CLCN3: variants seen among roughly 807,000 people sequenced by gnomAD.
The protein encoded by CLCN3 is H(+)/Cl(-) exchange transporter 3.
A neutral mutation model predicts 83.4 loss-of-function variants in CLCN3; 16 were observed. That is an observed-to-expected ratio of 0.19 (90% CI 0.13 to 0.29). CLCN3 has a LOEUF of 0.29. CLCN3 is among the 10% of genes least tolerant of loss of function. The pLI, the probability that CLCN3 is intolerant of heterozygous loss-of-function variation, is 1.00. For synonymous variants in CLCN3, 322 were observed against 346.2 expected, an observed-to-expected ratio of 0.93 and a Z score of 0.78; for missense variants, 544 against 1,006.0, an observed-to-expected ratio of 0.54 and a Z score of 6.21.
intron 1 of CLCN3, among the ~76,000 whole-genome samples, chr4:169,630,539 AT>A (rs546416923): frequency 6.7e-6 from 1 of 148,698 alleles, no homozygotes; most frequent in Non-Finnish European, 1.5e-5. Flanking sequence ...TTTTATTTTT[AT>A]TTTTTTTTGA....
intron 2 of CLCN3, among the ~76,000 whole-genome samples, chr4:169,662,414 G>A (rs532802954): frequency 3.9e-5 from 6 of 152,202 alleles, no homozygotes; most frequent in Non-Finnish European, 8.8e-5. Context: ...GTGTCTATGC[G>A]TAAGATGTTA....
intron 3 of CLCN3, among the ~76,000 whole-genome samples, chr4:169,684,530 G>C (rs1732078756): frequency 6.6e-6 from 1 of 152,124 alleles, no homozygotes; most frequent in Admixed American, 6.5e-5. Context: ...CCTTCGTCAT[G>C]TCCTTAGATA....
intron 1 of CLCN3, among the ~76,000 whole-genome samples, chr4:169,622,831 C>T (rs540626348): frequency 2.0e-5 from 3 of 152,258 alleles, no homozygotes; most frequent in Admixed American, 1.3e-4. Context: ...TAGAGAAAAA[C>T]AAGGAGGGAC....
At chr4:169,666,861 T>C (rs1426451855) in intron 2 of CLCN3, among the ~76,000 whole-genome samples, 1 of 152,174 alleles carries the variant, frequency 6.6e-6, no homozygotes, top group African/African-American at 2.4e-5. Flanking sequence ...TCACATTGTG[T>C]TGTTGTGAGG....
At chr4:169,713,364 A>G (rs1733298787) in intron 12 of CLCN3, 69 bp downstream of exon 12, 1 of 1,244,758 alleles carries the variant, frequency 8.0e-7, no homozygotes, top group Non-Finnish European at 1.2e-6. Flanking sequence ...GAATCTATAT[A>G]GTTATTAGGG....
At chr4:169,671,842 T>C (rs959171602) in intron 2 of CLCN3, among the ~76,000 whole-genome samples, 2 of 152,176 alleles carry the variant, frequency 1.3e-5, no homozygotes, top group Non-Finnish European at 2.9e-5. Context: ...GCTCTACTAC[T>C]GTCTTCACAG....
At chr4:169,677,597 G>A (rs1731729938) in intron 2 of CLCN3, among the ~76,000 whole-genome samples, 1 of 152,144 alleles carries the variant, frequency 6.6e-6, no homozygotes, top group South Asian at 2.1e-4. Context: ...TTTATTCAAG[G>A]ATTTATGCAA....
rs1364891217 is a variant in CLCN3, at chr4:169,723,245, G to A, written c.*3248G>A. On this transcript the variant is annotated 3_prime_UTR_variant, in exon 13 of 13. Coordinates refer to ENST00000513761, the MANE Select transcript of CLCN3 (RefSeq NM_001829.4). ...TCCTCCCTCTTCACTGCTGCCCTACGCAGTGTAGGCCGATATGCCTGGCAC... is the reference window on the plus strand; with the variant it reads ...TCCTCCCTCTTCACTGCTGCCCTACACAGTGTAGGCCGATATGCCTGGCAC... 3 of 152,096 alleles carry A rather than the reference G, an allele frequency of 2.0e-5. No homozygotes were observed. The highest frequency in any genetic ancestry group is 4.8e-5 in the African/African-American group (2 of 41,406). 9.4% of individuals were successfully genotyped at this position (152,096 alleles called of 1,614,324 possible). A position where few individuals can be genotyped will look rare whatever the true frequency, so the allele number is the denominator to read the frequency against.
At chr4:169,648,316 A>T (rs1203736139) in intron 2 of CLCN3, among the ~76,000 whole-genome samples, 3 of 152,244 alleles carry the variant, frequency 2.0e-5, no homozygotes, top group Admixed American at 6.5e-5. Context: ...TATTTGGGAC[A>T]TCTCTGTACT....
At chr4:169,701,940 G>A (rs554468508) in intron 9 of CLCN3, among the ~76,000 whole-genome samples, 14 of 152,184 alleles carry the variant, frequency 9.2e-5, no homozygotes, top group African/African-American at 3.1e-4. Flanking sequence ...GTATTTACTG[G>A]AGTTGTATGC....
intron 1 of CLCN3, among the ~76,000 whole-genome samples, chr4:169,624,538 G>A (rs1321218122): frequency 6.6e-6 from 1 of 152,030 alleles, no homozygotes; most frequent in Non-Finnish European, 1.5e-5. Flanking sequence ...CAAAGTGTTG[G>A]GATTACAGGC....
At chr4:169,674,587 A>G (rs571575928) in intron 2 of CLCN3, among the ~76,000 whole-genome samples, 8 of 152,236 alleles carry the variant, frequency 5.3e-5, no homozygotes, top group African/African-American at 1.9e-4. Flanking sequence ...GCTTTTGAGT[A>G]TGTGTTGTAT....
chr4:169,689,258 T>C, intron 5 of CLCN3, 28 bp downstream of exon 5: 1 of 1,575,878 alleles, frequency 6.3e-7, no homozygotes, highest in Non-Finnish European at 8.7e-7. Flanking sequence ...TCAAGATGAA[T>C]TAATAATTGA....
chr4:169,686,326 A>T (rs960112083), intron 3 of CLCN3, among the ~76,000 whole-genome samples: 20 of 143,862 alleles, frequency 1.4e-4, no homozygotes, highest in African/African-American at 2.8e-4. Flanking sequence ...GTATAATAAT[A>T]AAAAAAAAAA....
At chr4:169,712,284 C>G (rs1257339806) in intron 11 of CLCN3, among the ~76,000 whole-genome samples, 1 of 152,118 alleles carries the variant, frequency 6.6e-6, no homozygotes, top group East Asian at 1.9e-4. Flanking sequence ...GAGTTTCCTT[C>G]TCCGTCTTGT....
chr4:169,643,566 T>A (rs1324635235), intron 2 of CLCN3, among the ~76,000 whole-genome samples: 1 of 151,958 alleles, frequency 6.6e-6, no homozygotes, highest in Non-Finnish European at 1.5e-5. Context: ...AGGGTCTCAT[T>A]CTGTCATCCA....
chr4:169,637,390 T>A (rs1730245226), intron 2 of CLCN3, among the ~76,000 whole-genome samples: 1 of 152,158 alleles, frequency 6.6e-6, no homozygotes, highest in Admixed American at 6.5e-5. Context: ...CAGTCACTTA[T>A]GCCTGCAATC....
At chr4:169,647,965 T>C (rs1730622492) in intron 2 of CLCN3, among the ~76,000 whole-genome samples, 1 of 152,228 alleles carries the variant, frequency 6.6e-6, no homozygotes, top group Non-Finnish European at 1.5e-5. Flanking sequence ...ACCTTTGTGA[T>C]AGTGTTTCCA....
intron 5 of CLCN3, among the ~76,000 whole-genome samples, 188 bp from the exon 6 acceptor site, chr4:169,690,342 C>T (rs1732318320): frequency 6.6e-6 from 1 of 152,076 alleles, no homozygotes; most frequent in Non-Finnish European, 1.5e-5. Context: ...AACGGGGTTT[C>T]ACCACATTGG....
Sources: allele counts gnomAD v4.1 joint callset (sites outside exome capture counted in the v4.1 genomes callset), GRCh38; gene constraint gnomAD v4.1.1; transcripts MANE v1.5; gene names NCBI Gene and HGNC (gene_info 2026-07-23, HGNC 2026-07-21).